OTUD7A: variants seen among roughly 807,000 people sequenced by gnomAD.
OTUD7A encodes OTU domain-containing protein 7A.
A neutral mutation model predicts 65.7 loss-of-function variants in OTUD7A; 12 were observed. The observed-to-expected ratio is 0.18, with a 90% CI of 0.12 to 0.30. The LOEUF is 0.30. Ranked by LOEUF, OTUD7A falls within the 10% of genes least tolerant of loss-of-function variation. The pLI is 1.00. For missense variants in OTUD7A, 1,148 were observed against 1,304.8 expected, an observed-to-expected ratio of 0.88 and a Z score of 1.85; for synonymous variants, 641 against 586.3, an observed-to-expected ratio of 1.09 and a Z score of -1.35.
At chr15:31,561,861 A>G (rs1888702636) in intron 4 of OTUD7A, among the ~76,000 whole-genome samples, 1 of 151,974 alleles carries the variant, frequency 6.6e-6, no homozygotes, top group Non-Finnish European at 1.5e-5. Context: ...TGTATAAATA[A>G]AATGTTTTAC....
intron 1 of OTUD7A, among the ~76,000 whole-genome samples, chr15:31,796,134 A>C (rs1019834439): frequency 1.2e-5 from 1 of 80,288 alleles, no homozygotes; most frequent in African/African-American, 3.7e-5. Flanking sequence ...CAGAACCAGT[A>C]AGGGGTGCGT....
chr15:31,751,582 T>C (rs1894636278), intron 1 of OTUD7A, among the ~76,000 whole-genome samples: 1 of 151,990 alleles, frequency 6.6e-6, no homozygotes, highest in African/African-American at 2.4e-5. Context: ...CAAAAGAAAA[T>C]AAATTGTACT....
intron 1 of OTUD7A, among the ~76,000 whole-genome samples, chr15:31,779,493 T>A (rs1441448365): frequency 6.6e-6 from 1 of 152,236 alleles, no homozygotes; most frequent in Non-Finnish European, 1.5e-5. Context: ...AAACAGCATT[T>A]GCTTTACAAT....
chr15:31,842,342 C>G (rs1404095058), intron 1 of OTUD7A, among the ~76,000 whole-genome samples: 1 of 152,202 alleles, frequency 6.6e-6, no homozygotes, highest in Non-Finnish European at 1.5e-5. Context: ...TCTGACGTGG[C>G]CTTTGTGCAT....
intron 1 of OTUD7A, among the ~76,000 whole-genome samples, chr15:31,802,622 T>C (rs150363192): frequency 1.3e-5 from 2 of 152,344 alleles, no homozygotes; most frequent in East Asian, 1.9e-4. Context: ...TAACTACTTA[T>C]GGAGTCAATT....
rs527977399 is a variant in OTUD7A at position 31,708,297 on chromosome 15, G to C, written c.-99-51220C>G. ...ATGGTGAGAGCATGGATCGAAAAAAGATGAATCAGCAGATTTAAAAAGTTA... is the reference window on the plus strand; with the variant it reads ...ATGGTGAGAGCATGGATCGAAAAAACATGAATCAGCAGATTTAAAAAGTTA... On this transcript the variant is annotated intron_variant, in intron 1 of 12. Transcript: ENST00000307050. Among the ~76,000 whole-genome samples, 32 of 152,282 alleles carry C rather than the reference G, an allele frequency of 2.1e-4. No individual in the cohort carries two copies. The Middle Eastern group carries it at 0.01, about 49-fold the overall frequency.
intron 5 of OTUD7A, among the ~76,000 whole-genome samples, chr15:31,550,314 G>C (rs1595602519): frequency 6.6e-6 from 1 of 151,988 alleles, no homozygotes; most frequent in Admixed American, 6.6e-5. Flanking sequence ...CATGCACCCT[G>C]GGCACTGTCC....
intron 1 of OTUD7A, chr15:31,765,957 A>T: frequency 1.4e-6 from 2 of 1,382,672 alleles, no homozygotes; most frequent in Non-Finnish European, 2.1e-6. Context: ...AAGTTCTGCA[A>T]TTGCAGCTTG....
rs550766131 is a variant in OTUD7A, at chr15:31,746,172, T to C, written c.-99-89095A>G. On this transcript the variant is annotated intron_variant, in intron 1 of 12. Coordinates refer to ENST00000307050, the MANE Select transcript of OTUD7A (RefSeq NM_001382637.1). ...AAACATCAACCCTATTATCCTGGGG[T>C]TTCCCCACTAGGTATTTATGCAAGA... is the stretch of plus-strand genomic sequence containing the variant. Among the ~76,000 whole-genome samples the C allele has an allele frequency of 5.3e-4, 81 of 152,288 alleles. 3 individuals carry two copies. The South Asian group carries it at 0.016, about 30-fold the overall frequency.
At chr15:31,526,777 C>T (rs1202173737) in intron 7 of OTUD7A, among the ~76,000 whole-genome samples, 1 of 152,180 alleles carries the variant, frequency 6.6e-6, no homozygotes, top group Non-Finnish European at 1.5e-5. Flanking sequence ...TCTAGGAGAG[C>T]AAGGTCCTCA....
At chr15:31,804,861 A>T (rs751655448) in intron 1 of OTUD7A, among the ~76,000 whole-genome samples, 6 of 152,252 alleles carry the variant, frequency 3.9e-5, no homozygotes, top group Non-Finnish European at 8.8e-5. Context: ...TTTAAGTGCC[A>T]CTGAGCTATT....
intron 3 of OTUD7A, among the ~76,000 whole-genome samples, chr15:31,597,920 G>A (rs11635581): frequency 0.12 from 18,957 of 152,224 alleles, 1,500 homozygotes; most frequent in East Asian, 0.21. Flanking sequence ...TCTGATGACC[G>A]GCTGTGGGTG....
At position 31,477,511 on chromosome 15, in the gene OTUD7A, C is replaced by A. The variant is rs2041041265; in HGVS notation, c.*5783G>T. The A allele has an allele frequency of 6.6e-6, 1 of 152,182 alleles. No homozygotes were observed. The highest frequency in any genetic ancestry group is 1.5e-5 in the Non-Finnish European group (1 of 68,042). 9.4% of individuals were successfully genotyped at this position (152,182 alleles called of 1,614,324 possible). A position where few individuals can be genotyped will look rare whatever the true frequency, so the allele number is the denominator to read the frequency against. ...GCATTCACTTGTCTGTGAACAGAAG[C>A]CACCGCTGCTGCCCGGTGTATCTAA... On this transcript the variant is annotated 3_prime_UTR_variant, in exon 13 of 13. Coordinates refer to ENST00000307050, the MANE Select transcript of OTUD7A (RefSeq NM_001382637.1).
Position 31,810,368 on chromosome 15 carries a change from T to C in OTUD7A, c.-100+60139A>G, listed in dbSNP as rs1049287392. Among the ~76,000 whole-genome samples, 8 of 152,278 alleles carry C rather than the reference T, an allele frequency of 5.3e-5. 1 individual carries two copies. The South Asian group carries it at 8.3e-4, about 16-fold the overall frequency. ...CCACCAACATGACTGCATTTGGAGATAGAGCATTTAAAGAGGTAATTAAGT... is the reference window on the plus strand; with the variant it reads ...CCACCAACATGACTGCATTTGGAGACAGAGCATTTAAAGAGGTAATTAAGT... On this transcript the variant is annotated intron_variant, in intron 1 of 12. Coordinates refer to ENST00000307050, the MANE Select transcript of OTUD7A (RefSeq NM_001382637.1).
rs1404399328 is a variant in OTUD7A, at chr15:31,484,927, C to T, written c.1372-203G>A. ...GATAGGAGTGGGCTCTGATCTGCTG[C>T]GGTAGTAAAAGGATGTAGGGACCTC... is the stretch of plus-strand genomic sequence containing the variant. On this transcript the variant is annotated intron_variant, in intron 12 of 12. Coordinates refer to ENST00000307050, the MANE Select transcript of OTUD7A (RefSeq NM_001382637.1). The surrounding 1 kb of genome is among the most constrained non-coding windows in gnomAD (Gnocchi z 4.5). Among the ~76,000 whole-genome samples the T allele has an allele frequency of 6.6e-6, 1 of 152,172 alleles. No individual in the cohort carries two copies. Among genetic ancestry groups the T allele is most frequent in the African/African-American group, 2.4e-5 (1 of 41,444 alleles).
At chr15:31,629,556 T>C (rs1349861741) in intron 3 of OTUD7A, among the ~76,000 whole-genome samples, 2 of 152,208 alleles carry the variant, frequency 1.3e-5, no homozygotes, top group South Asian at 4.1e-4. Context: ...AAAATTCTCT[T>C]TTTTGTGTGT....
chr15:31,502,775 C>T (rs1384457610), intron 9 of OTUD7A, among the ~76,000 whole-genome samples: 1 of 152,186 alleles, frequency 6.6e-6, no homozygotes, highest in East Asian at 1.9e-4. Flanking sequence ...TGGTGTTGCA[C>T]GGAGACCTGC....
intron 5 of OTUD7A, among the ~76,000 whole-genome samples, chr15:31,542,064 T>TACAA (rs750411899): frequency 6.6e-6 from 1 of 151,952 alleles, no homozygotes; most frequent in African/African-American, 2.4e-5. Context: ...GGGAAACTGG[T>TACAA]ACAAACAAAC....
intron 1 of OTUD7A, among the ~76,000 whole-genome samples, chr15:31,857,386 G>C (rs1897603861): frequency 6.6e-6 from 1 of 152,198 alleles, no homozygotes; most frequent in Non-Finnish European, 1.5e-5. Context: ...AGCAAACCCA[G>C]TGTGGGGGCA....
Sources: allele counts gnomAD v4.1 joint callset (sites outside exome capture counted in the v4.1 genomes callset), GRCh38; gene constraint gnomAD v4.1.1; non-coding constraint Gnocchi (gnomAD v3.1); transcripts MANE v1.5; gene names NCBI Gene and HGNC (gene_info 2026-07-23, HGNC 2026-07-21).